ATP13A5: variants seen among roughly 807,000 people sequenced by gnomAD.
ATP13A5 encodes ATPase 13A5, also known as probable cation-transporting ATPase 13A5.
ATP13A5 carries 149 observed loss-of-function variants against 150.2 expected under a neutral mutation model. That is an observed-to-expected ratio of 0.99 (90% CI 0.87 to 1.14). The LOEUF (loss-of-function observed/expected upper bound fraction) is 1.14, where lower values mean the gene tolerates loss of function less well. ATP13A5 is among the 50% of genes most tolerant of loss of function. The pLI, the probability that ATP13A5 is intolerant of heterozygous loss-of-function variation, is 0.00. For synonymous variants in ATP13A5, 497 were observed against 522.2 expected, an observed-to-expected ratio of 0.95 and a Z score of 0.66; for missense variants, 1,383 against 1,449.3, an observed-to-expected ratio of 0.95 and a Z score of 0.74.
intron 7 of ATP13A5, among the ~76,000 whole-genome samples, chr3:193,346,956 G>A (rs1471358134): frequency 4.6e-5 from 7 of 152,106 alleles, no homozygotes; most frequent in Admixed American, 3.9e-4. Flanking sequence ...GAGTCAGTCA[G>A]GATTTCTGAG....
chr3:193,321,875 C>A, intron 15 of ATP13A5, 38 bp from the exon 16 acceptor site: 1 of 1,602,668 alleles, frequency 6.2e-7, no homozygotes, highest in East Asian at 2.2e-5. Flanking sequence ...TAACAAGCTG[C>A]TAAGTGATAT....
intron 20 of ATP13A5, among the ~76,000 whole-genome samples, chr3:193,311,192 A>T (rs1351325210): frequency 6.6e-6 from 1 of 152,182 alleles, no homozygotes; most frequent in Non-Finnish European, 1.5e-5. Flanking sequence ...GAACTGAACT[A>T]AGAGCTTTCT....
chr3:193,285,009 G>A lies in ATP13A5; in HGVS notation c.3131C>T (p.Thr1044Ile). 1 of 1,614,054 alleles carries A rather than the reference G, an allele frequency of 6.2e-7. No individual in the cohort carries two copies. ...GGTGGTGATGGGCCACAGTGTGGTG[G>A]TCTCAAAACTTAAAATTGAACCAGG... ...LIPGSILSFE[T>I]TTLWPITTIN... Residue 1044 changes from threonine (T) to isoleucine (I), a missense_variant, in exon 27 of 30, where the codon ACC becomes ATC. Coordinates refer to ENST00000342358, the MANE Select transcript of ATP13A5 (RefSeq NM_198505.4).
intron 6 of ATP13A5, among the ~76,000 whole-genome samples, chr3:193,352,558 A>G (rs1318622375): frequency 6.6e-6 from 1 of 152,136 alleles, no homozygotes; most frequent in Non-Finnish European, 1.5e-5. Flanking sequence ...ACTCCTTTCA[A>G]ATTAGAACAC....
intron 24 of ATP13A5, 32 bp from the exon 25 acceptor site, chr3:193,299,235 G>T: frequency 6.5e-7 from 1 of 1,536,918 alleles, no homozygotes; most frequent in Non-Finnish European, 9.0e-7. Context: ...ATATAAATGT[G>T]GCATCTGCCA....
At chr3:193,290,174 G>A (rs556356916) in intron 25 of ATP13A5, 115 bp from the exon 26 acceptor site, 17 of 1,047,708 alleles carry the variant, frequency 1.6e-5, no homozygotes, top group Admixed American at 6.4e-5. Flanking sequence ...AAGCAAACAC[G>A]AACAGAAGAT....
chr3:193,364,980 G>A (rs1431373674), intron 1 of ATP13A5, among the ~76,000 whole-genome samples: 3 of 152,088 alleles, frequency 2.0e-5, no homozygotes, highest in East Asian at 3.8e-4. Context: ...ATTCTAGAAG[G>A]AAAAATTGCC....
In ATP13A5 at chr3:193,359,462, C is replaced by A. The variant is rs79229779; in HGVS notation, c.536+2919G>T. On this transcript the variant is annotated intron_variant, in intron 5 of 29. Transcript: ENST00000342358. ...GTTCTGTGTTCTCATGGAACAGTTT[C>A]TGTCAGCTTGGAGCTATGCATTAAT... 2.7e-3 allele frequency among the ~76,000 whole-genome samples: 405 copies of A among 152,294 alleles called. 1 individual carries two copies. Among genetic ancestry groups the A allele is most frequent in the African/African-American group, 9.3e-3 (386 of 41,570 alleles).
chr3:193,304,752 C>T (rs1718543154), intron 23 of ATP13A5, among the ~76,000 whole-genome samples: 1 of 152,012 alleles, frequency 6.6e-6, no homozygotes, highest in South Asian at 2.1e-4. Flanking sequence ...CTGTATTAGT[C>T]CATTTTCACA....
chr3:193,326,341 A>T (rs768613509), intron 13 of ATP13A5, among the ~76,000 whole-genome samples: 1 of 152,160 alleles, frequency 6.6e-6, no homozygotes, highest in Non-Finnish European at 1.5e-5. Context: ...TGGAGTAGAC[A>T]TCTATGTGAT....
At chr3:193,341,321 G>A (rs1712119577) in intron 9 of ATP13A5, among the ~76,000 whole-genome samples, 1 of 152,168 alleles carries the variant, frequency 6.6e-6, no homozygotes, top group African/African-American at 2.4e-5. Context: ...TCCTTCATGA[G>A]TTTGATCATG....
chr3:193,311,221 G>A (rs1718833734), intron 20 of ATP13A5, among the ~76,000 whole-genome samples: 1 of 152,178 alleles, frequency 6.6e-6, no homozygotes. Flanking sequence ...TTGGGGTCTA[G>A]ATTCTGTGGA....
At chr3:193,318,091 G>A (rs1719119797) in intron 17 of ATP13A5, among the ~76,000 whole-genome samples, 1 of 152,198 alleles carries the variant, frequency 6.6e-6, no homozygotes. Flanking sequence ...AAATGTCATG[G>A]CTGAAGGCCT....
intron 1 of ATP13A5, among the ~76,000 whole-genome samples, chr3:193,365,130 T>C (rs935785664): frequency 6.6e-6 from 1 of 152,166 alleles, no homozygotes; most frequent in Non-Finnish European, 1.5e-5. Flanking sequence ...TTATGAATAA[T>C]ATCTCTACTA....
At chr3:193,346,987 CT>C (rs1233153136) in intron 7 of ATP13A5, among the ~76,000 whole-genome samples, 1 of 152,124 alleles carries the variant, frequency 6.6e-6, no homozygotes, top group Non-Finnish European at 1.5e-5. Flanking sequence ...GGCATACCCC[CT>C]AATCAGTCAG....
chr3:193,293,099 TAGTG>T (rs1718032127), intron 25 of ATP13A5, among the ~76,000 whole-genome samples: 2 of 152,076 alleles, frequency 1.3e-5, no homozygotes, highest in African/African-American at 4.8e-5. Context: ...GACCCACAGT[TAGTG>T]AGTGACAGCA....
intron 28 of ATP13A5, chr3:193,277,514 C>T (rs1717276409): frequency 6.6e-6 from 1 of 152,256 alleles, no homozygotes; most frequent in African/African-American, 2.4e-5. Context: ...GCGTGTGGGA[C>T]TGAACTCCCT....
Position 193,321,705 on chromosome 3 carries a change from C to T in ATP13A5, c.1891G>A (p.Ala631Thr), listed in dbSNP as rs1719285010. ...CCTGTTTCAGATCTGCAGAACCTGG[C>T]CACCATTTCTGGGGCACCTTTCATG... is the stretch of plus-strand genomic sequence containing the variant. ...VYMKGAPEMV[A>T]RFCRSETVPK... Residue 631 changes from alanine to threonine, a missense_variant, in exon 16 of 30, where the codon GCC becomes ACC. Ala to Thr is a moderately conservative substitution (Grantham distance 58, BLOSUM62 0). Coordinates refer to ENST00000342358, the MANE Select transcript of ATP13A5 (RefSeq NM_198505.4). 4 of 1,614,018 alleles carry T rather than the reference C, an allele frequency of 2.5e-6. No individual in the cohort carries two copies. The highest frequency in any genetic ancestry group is 3.4e-6 in the Non-Finnish European group (4 of 1,180,004).
Position 193,317,093 on chromosome 3 carries a change from C to T in ATP13A5, c.2033+1898G>A, listed in dbSNP as rs140486717. On this transcript the variant is annotated intron_variant, in intron 17 of 29. Coordinates refer to ENST00000342358, the MANE Select transcript of ATP13A5 (RefSeq NM_198505.4). ...ACTTTAGGCACTTGGCTGCTTGTTACCCTACAACACTCCCAGCAGTGCTTG... is the reference window on the plus strand; with the variant it reads ...ACTTTAGGCACTTGGCTGCTTGTTATCCTACAACACTCCCAGCAGTGCTTG... Among the ~76,000 whole-genome samples the T allele has an allele frequency of 3.2e-3, 490 of 152,296 alleles. 3 individuals are homozygous for T. Among genetic ancestry groups the T allele is most frequent in the African/African-American group, 0.011 (448 of 41,556 alleles).
Sources: allele counts gnomAD v4.1 joint callset (sites outside exome capture counted in the v4.1 genomes callset), GRCh38; gene constraint gnomAD v4.1.1; transcripts MANE v1.5; gene names NCBI Gene and HGNC (gene_info 2026-07-23, HGNC 2026-07-21).